The following GRIN2B variants were observed in gnomAD, a reference collection of about 807,000 sequenced individuals.
GRIN2B encodes the protein glutamate ionotropic receptor NMDA type subunit 2B.
Under a neutral mutation model 114.5 loss-of-function variants are expected in GRIN2B, and 5 were observed. The observed-to-expected ratio is 0.04, with a 90% CI of 0.02 to 0.09. The LOEUF (loss-of-function observed/expected upper bound fraction) is 0.09. GRIN2B is among the 10% of genes least tolerant of loss of function. GRIN2B has a pLI of 1.00. For synonymous variants in GRIN2B, 787 were observed against 745.1 expected, an observed-to-expected ratio of 1.06 and a Z score of -0.92; for missense variants, 1,108 against 1,943.5, an observed-to-expected ratio of 0.57 and a Z score of 8.08.
chr12:13,730,781 A>C (rs1273316439), intron 4 of GRIN2B, among the ~76,000 whole-genome samples: 1 of 152,220 alleles, frequency 6.6e-6, no homozygotes, highest in East Asian at 1.9e-4. Context: ...TTAAAAAACT[A>C]AATAATTAAT....
Position 13,899,581 on chromosome 12 carries a change from C to G in GRIN2B, c.-18-33355G>C, listed in dbSNP as rs778469084. Among the ~76,000 whole-genome samples the G allele has an allele frequency of 1.2e-4, 17 of 143,722 alleles. 3 individuals are homozygous for G. Among genetic ancestry groups the G allele is most frequent in the Non-Finnish European group, 2.2e-4 (14 of 62,462 alleles). 94.3% of individuals were successfully genotyped at this position (143,722 alleles called of 152,430 possible). A position where few individuals can be genotyped will look rare whatever the true frequency, so the allele number is the denominator to read the frequency against. On this transcript the variant is annotated intron_variant, in intron 2 of 13. Coordinates refer to ENST00000609686, the MANE Select transcript of GRIN2B (RefSeq NM_000834.5). The stretch of plus-strand genomic sequence containing the variant: ...AGTAACTGACACACATTAAGGAACA[C>G]ATTAACATTAAATCTGATTATTTCC...
Position 13,842,674 on chromosome 12 carries a change from A to C in GRIN2B, c.411+23124T>G, listed in dbSNP as rs115190517. Among the ~76,000 whole-genome samples the C allele has an allele frequency of 2.3e-3, 357 of 152,360 alleles. 2 individuals are homozygous for C. Among genetic ancestry groups the C allele is most frequent in the African/African-American group, 8.3e-3 (346 of 41,586 alleles). The stretch of plus-strand genomic sequence containing the variant: ...AATCATTAGATAATTTGATGAAATT[A>C]TCAAAATGTTGACTTCTTGCATAAA... On this transcript the variant is annotated intron_variant, in intron 3 of 13. Transcript: ENST00000609686.
chr12:13,695,678 A>T (rs1435216398), intron 4 of GRIN2B, among the ~76,000 whole-genome samples: 1 of 152,210 alleles, frequency 6.6e-6, no homozygotes, highest in African/African-American at 2.4e-5. Flanking sequence ...TTTGAACAGG[A>T]TGCTGTATTC....
intron 3 of GRIN2B, among the ~76,000 whole-genome samples, chr12:13,754,697 T>G (rs2136630465): frequency 6.6e-6 from 1 of 152,310 alleles, no homozygotes; most frequent in East Asian, 1.9e-4. Context: ...CAAGTTAAAA[T>G]TATTGCCATT....
intron 3 of GRIN2B, among the ~76,000 whole-genome samples, chr12:13,785,790 T>C (rs1864213754): frequency 6.6e-6 from 1 of 152,212 alleles, no homozygotes; most frequent in East Asian, 1.9e-4. Context: ...TAGTTATGAT[T>C]ACTATTTTCC....
intron 10 of GRIN2B, among the ~76,000 whole-genome samples, chr12:13,583,514 G>A (rs1423777986): frequency 6.6e-6 from 1 of 152,172 alleles, no homozygotes; most frequent in Non-Finnish European, 1.5e-5. Context: ...CAAATAGAAT[G>A]GATGCTCAGA....
chr12:13,726,426 T>C (rs1042546350), intron 4 of GRIN2B, among the ~76,000 whole-genome samples: 1 of 151,516 alleles, frequency 6.6e-6, no homozygotes, highest in Non-Finnish European at 1.5e-5. Context: ...TCCCAGCTAC[T>C]TGAGAGGCTG....
At chr12:13,924,646 T>A (rs1411799323) in intron 2 of GRIN2B, among the ~76,000 whole-genome samples, 1 of 152,174 alleles carries the variant, frequency 6.6e-6, no homozygotes, top group African/African-American at 2.4e-5. Flanking sequence ...GGGTTCAGTC[T>A]CATCACGGTC....
intron 3 of GRIN2B, among the ~76,000 whole-genome samples, chr12:13,802,812 T>C (rs1404976718): frequency 6.6e-6 from 1 of 152,228 alleles, no homozygotes; most frequent in Non-Finnish European, 1.5e-5. Flanking sequence ...AACTATCTGG[T>C]TAATTTTTTC....
intron 5 of GRIN2B, among the ~76,000 whole-genome samples, chr12:13,661,403 A>G (rs1949922734): frequency 6.6e-6 from 1 of 152,210 alleles, no homozygotes; most frequent in Admixed American, 6.5e-5. Context: ...TCCAGGGTAC[A>G]TCTGGAGATT....
chr12:13,863,627 G>T (rs563452357), intron 3 of GRIN2B, among the ~76,000 whole-genome samples: 2 of 152,154 alleles, frequency 1.3e-5, no homozygotes, highest in Non-Finnish European at 2.9e-5. Flanking sequence ...AGCACTAAGC[G>T]CCTAGCATAT....
intron 2 of GRIN2B, among the ~76,000 whole-genome samples, chr12:13,962,780 TTC>T (rs1867718500): frequency 3.3e-5 from 5 of 152,116 alleles, no homozygotes; most frequent in Non-Finnish European, 7.4e-5. Context: ...CAGACAGAAC[TTC>T]CCAGGGGGGC....
At chr12:13,935,979 T>A (rs1673373540) in intron 2 of GRIN2B, among the ~76,000 whole-genome samples, 1 of 151,890 alleles carries the variant, frequency 6.6e-6, no homozygotes. Context: ...AGAGCTAGAG[T>A]CAAAGCATAA....
rs775066767 is a variant in GRIN2B at position 13,675,738 on chromosome 12, G to A, written c.1125+7C>T. ...TTTGCTCAAGAATTGTCAAAGACAT[G>A]TCTTACCCTTTCCCACTTCCTCTCC... is the stretch of plus-strand genomic sequence containing the variant. On this transcript the variant is annotated splice_region_variant and intron_variant, in intron 5 of 13. Coordinates refer to ENST00000609686, the MANE Select transcript of GRIN2B (RefSeq NM_000834.5). The A allele has an allele frequency of 2.0e-6, 3 of 1,520,832 alleles. No individual in the cohort carries two copies. Among genetic ancestry groups the A allele is most frequent in the South Asian group, 1.1e-5 (1 of 89,210 alleles). The allele number at this position is 1,520,832 out of a possible 1,614,324, so 94.2% of individuals were successfully genotyped here. A position where few individuals can be genotyped will look rare whatever the true frequency, so the allele number is the denominator to read the frequency against.
At chr12:13,658,324 AT>A (rs1301053103) in intron 5 of GRIN2B, among the ~76,000 whole-genome samples, 3 of 152,152 alleles carry the variant, frequency 2.0e-5, no homozygotes. Flanking sequence ...TTTGGGGTGG[AT>A]TTTATTTTCT....
intron 3 of GRIN2B, among the ~76,000 whole-genome samples, chr12:13,802,802 A>G (rs1864539392): frequency 6.6e-6 from 1 of 152,198 alleles, no homozygotes; most frequent in Non-Finnish European, 1.5e-5. Context: ...TAGTGAGATT[A>G]ACTATCTGGT....
chr12:13,864,598 G>A (rs563616223), intron 3 of GRIN2B, among the ~76,000 whole-genome samples: 1 of 152,330 alleles, frequency 6.6e-6, no homozygotes, highest in South Asian at 2.1e-4. Context: ...CTGTATCTAA[G>A]TAATGAACAA....
intron 3 of GRIN2B, among the ~76,000 whole-genome samples, chr12:13,858,476 A>G (rs1474874921): frequency 1.3e-5 from 2 of 152,224 alleles, no homozygotes; most frequent in African/African-American, 2.4e-5. Context: ...AAAGAATCAC[A>G]GAAGTCTCAG....
intron 4 of GRIN2B, among the ~76,000 whole-genome samples, chr12:13,709,603 G>A (rs551440153): frequency 5.3e-5 from 8 of 152,036 alleles, no homozygotes; most frequent in African/African-American, 1.7e-4. Context: ...TAACTTACAG[G>A]TAACAAGTAT....
Sources: gnomAD v4.1 joint callset for allele counts (sites outside exome capture counted in the v4.1 genomes callset) on GRCh38, gnomAD v4.1.1 for gene constraint, MANE v1.5 for transcripts, NCBI Gene and HGNC (gene_info 2026-07-23, HGNC 2026-07-21) for gene names.